SH3BGRL2: variants seen among roughly 807,000 people sequenced by gnomAD.
SH3BGRL2 encodes SH3 domain binding glutamate rich protein like 2.
In SH3BGRL2, 21 loss-of-function variants were observed where a neutral mutation model predicts 14.8. That is an observed-to-expected ratio of 1.42 (90% CI 1.01 to 2.05). SH3BGRL2 has a LOEUF of 2.05. Ranked by LOEUF, SH3BGRL2 falls within the 30% of genes most tolerant of loss-of-function variation. SH3BGRL2 has a pLI of 0.00. For synonymous variants in SH3BGRL2, 50 were observed against 47.8 expected (o/e 1.05, Z -0.19); for missense variants, 147 against 130.8 (o/e 1.12, Z -0.61).
chr6:79,597,391 G>GAGGA, the SH3BGRL2 span, among the ~76,000 whole-genome samples: 10 of 151,408 alleles, frequency 6.6e-5, no homozygotes, highest in Middle Eastern at 6.8e-3. Context: ...GGGAAGGAAG[G>GAGGA]AGGAAGGAAG....
At chr6:79,557,104 A>T in the SH3BGRL2 span, among the ~76,000 whole-genome samples, 1 of 151,924 alleles carries the variant, frequency 6.6e-6, no homozygotes. Flanking sequence ...TAAAACGTCA[A>T]TTTATATTTC....
the SH3BGRL2 span, among the ~76,000 whole-genome samples, chr6:79,623,719 A>G: frequency 1.3e-5 from 2 of 152,214 alleles, no homozygotes; most frequent in Admixed American, 6.5e-5. Flanking sequence ...TGAAGACTTA[A>G]TTGTTCTTTT....
upstream of SH3BGRL2, among the ~76,000 whole-genome samples, chr6:79,627,118 C>A (rs1768748778): frequency 1.3e-5 from 2 of 152,126 alleles, no homozygotes; most frequent in South Asian, 4.1e-4. Flanking sequence ...TTACTCATTT[C>A]AGTCCCTTCA....
chr6:79,540,428 C>A, the SH3BGRL2 span, among the ~76,000 whole-genome samples: 3 of 151,292 alleles, frequency 2.0e-5, no homozygotes, highest in African/African-American at 7.2e-5. Context: ...GAGCAAGATT[C>A]CGTCTCAAAA....
upstream of SH3BGRL2, among the ~76,000 whole-genome samples, chr6:79,627,471 T>C (rs1017231113): frequency 2.0e-5 from 3 of 152,346 alleles, no homozygotes; most frequent in Admixed American, 6.5e-5. Flanking sequence ...CATTAGAATA[T>C]TGATTGATAG....
At chr6:79,564,575 C>A in the SH3BGRL2 span, among the ~76,000 whole-genome samples, 1 of 152,026 alleles carries the variant, frequency 6.6e-6, no homozygotes, top group East Asian at 1.9e-4. Flanking sequence ...TCCAAAATAC[C>A]TTTCCCTCTT....
At chr6:79,611,509 A>G in the SH3BGRL2 span, among the ~76,000 whole-genome samples, 1 of 150,740 alleles carries the variant, frequency 6.6e-6, no homozygotes, top group African/African-American at 2.5e-5. Flanking sequence ...TCCTGGGTTC[A>G]AGCAGTTCTC....
Position 79,703,458 on chromosome 6 carries a change from C to T in SH3BGRL2, c.*3949C>T, listed in dbSNP as rs1241790358. 1.3e-5 allele frequency: 2 copies of T among 151,952 alleles called. No individual in the cohort carries two copies. Among genetic ancestry groups the T allele is most frequent in the Non-Finnish European group, 2.9e-5 (2 of 67,994 alleles). 9.4% of individuals were successfully genotyped at this position (151,952 alleles called of 1,614,324 possible). ...AAAGAGTAATAATAATGACAATAAA[C>T]AAACCCCTGTGTGCCTACCACCCAC... On this transcript the variant is annotated 3_prime_UTR_variant, in exon 4 of 4. Transcript: ENST00000369838.
the SH3BGRL2 span, among the ~76,000 whole-genome samples, chr6:79,615,828 C>CT: frequency 9.6e-5 from 7 of 72,574 alleles, no homozygotes; most frequent in Admixed American, 1.4e-4. Flanking sequence ...TTTTTTTTTT[C>CT]TTTCTTTTTT....
intron 2 of SH3BGRL2, among the ~76,000 whole-genome samples, chr6:79,695,897 A>C (rs1407353690): frequency 6.6e-6 from 1 of 152,218 alleles, no homozygotes; most frequent in Non-Finnish European, 1.5e-5. Flanking sequence ...TAGGAAGAGA[A>C]AAATGATTCT....
intron 1 of SH3BGRL2, among the ~76,000 whole-genome samples, chr6:79,643,226 A>T (rs1369293024): frequency 6.6e-6 from 1 of 152,208 alleles, no homozygotes; most frequent in Non-Finnish European, 1.5e-5. Flanking sequence ...GCTCAGCGGT[A>T]AAACCTAGAT....
rs1264591496 is a variant in SH3BGRL2, at chr6:79,703,163, T to C, written c.*3654T>C. The C allele has an allele frequency of 6.6e-6, 1 of 152,170 alleles. No homozygotes were observed. The highest frequency in any genetic ancestry group is 1.5e-5 in the Non-Finnish European group (1 of 68,040). 9.4% of individuals were successfully genotyped at this position (152,170 alleles called of 1,614,324 possible). Reference sequence around the variant, plus strand: ...TGTTTGTTCATCCTTTCTGTCAGCATGGATCAAGCCCCTAAAATGTGGTAA... The same window carrying C: ...TGTTTGTTCATCCTTTCTGTCAGCACGGATCAAGCCCCTAAAATGTGGTAA... On this transcript the variant is annotated 3_prime_UTR_variant, in exon 4 of 4. Coordinates refer to ENST00000369838, the MANE Select transcript of SH3BGRL2 (RefSeq NM_031469.4).
At chr6:79,582,157 T>C in the SH3BGRL2 span, among the ~76,000 whole-genome samples, 1 of 152,076 alleles carries the variant, frequency 6.6e-6, no homozygotes, top group Non-Finnish European at 1.5e-5. Flanking sequence ...AATGGAAGGA[T>C]ATTCCATGCT....
At chr6:79,617,723 A>G in the SH3BGRL2 span, among the ~76,000 whole-genome samples, 16 of 152,070 alleles carry the variant, frequency 1.1e-4, no homozygotes, top group African/African-American at 3.9e-4. Context: ...CTCTCTCCCA[A>G]TTTTTCCTGT....
chr6:79,630,888 C>G (rs75863715), upstream of SH3BGRL2, among the ~76,000 whole-genome samples: 1 of 152,132 alleles, frequency 6.6e-6, no homozygotes, highest in Non-Finnish European at 1.5e-5. Context: ...CCCGGCTCGC[C>G]GATCCCGCCT....
chr6:79,588,289 TA>T, the SH3BGRL2 span, among the ~76,000 whole-genome samples: 36 of 124,016 alleles, frequency 2.9e-4, no homozygotes, highest in Middle Eastern at 4.0e-3. Flanking sequence ...AGACTCTGTC[TA>T]AAAAAAAAAA....
At chr6:79,623,921 T>G in the SH3BGRL2 span, among the ~76,000 whole-genome samples, 1 of 152,232 alleles carries the variant, frequency 6.6e-6, no homozygotes, top group Non-Finnish European at 1.5e-5. Flanking sequence ...AACATTTTCT[T>G]ATACTTCCTC....
chr6:79,567,352 A>C, the SH3BGRL2 span, among the ~76,000 whole-genome samples: 3 of 152,352 alleles, frequency 2.0e-5, no homozygotes, highest in East Asian at 3.9e-4. Flanking sequence ...AAGCCAATAC[A>C]CTATTGAAGA....
At chr6:79,595,012 A>G in the SH3BGRL2 span, among the ~76,000 whole-genome samples, 16 of 152,182 alleles carry the variant, frequency 1.1e-4, no homozygotes, top group African/African-American at 3.9e-4. Context: ...CAGGCCAGGC[A>G]TGGTGGCTCA....
Sources: gnomAD v4.1 joint callset for allele counts (sites outside exome capture counted in the v4.1 genomes callset) on GRCh38, gnomAD v4.1.1 for gene constraint, MANE v1.5 for transcripts, NCBI Gene and HGNC (gene_info 2026-07-23, HGNC 2026-07-21) for gene names.